The following MAST4 variants were observed in gnomAD, a reference collection of about 807,000 sequenced individuals.
MAST4 encodes the protein microtubule-associated serine/threonine-protein kinase 4.
Under a neutral mutation model 162.7 loss-of-function variants are expected in MAST4, and 89 were observed. The observed-to-expected ratio is 0.55, with a 90% CI of 0.46 to 0.65. The LOEUF (loss-of-function observed/expected upper bound fraction) is 0.65. MAST4 is among the 30% of genes least tolerant of loss of function. MAST4 has a pLI of 0.00. For synonymous variants in MAST4, 1,479 were observed against 1,361.1 expected (o/e 1.09, Z -1.91); for missense variants, 3,153 against 3,374.0 (o/e 0.93, Z 1.62).
intron 3 of MAST4, among the ~76,000 whole-genome samples, chr5:66,873,165 A>C (rs528404008): frequency 6.6e-5 from 10 of 152,184 alleles, no homozygotes; most frequent in Non-Finnish European, 1.5e-4. Flanking sequence ...ACATTACCAA[A>C]TAGGTTTAAA....
intron 2 of MAST4, among the ~76,000 whole-genome samples, chr5:66,777,864 A>T (rs1754675814): frequency 6.6e-6 from 1 of 152,166 alleles, no homozygotes; most frequent in Admixed American, 6.5e-5. Context: ...TGTTCCACAT[A>T]CCCACAAAAT....
chr5:67,139,676 T>C (rs1432756057), intron 19 of MAST4, among the ~76,000 whole-genome samples: 1 of 152,242 alleles, frequency 6.6e-6, no homozygotes, highest in African/African-American at 2.4e-5. Flanking sequence ...GGTATAATGT[T>C]TCTTTTACCT....
chr5:67,105,071 C>T (rs1284584181), intron 10 of MAST4, among the ~76,000 whole-genome samples: 1 of 152,108 alleles, frequency 6.6e-6, no homozygotes, highest in Non-Finnish European at 1.5e-5. Context: ...ACAAAATATC[C>T]AATTTCCAAA....
At chr5:66,668,444 T>G (rs1454899756) in intron 1 of MAST4, among the ~76,000 whole-genome samples, 1 of 152,230 alleles carries the variant, frequency 6.6e-6, no homozygotes, top group East Asian at 1.9e-4. Flanking sequence ...CTTTTCTGCC[T>G]CAGTTGGTAA....
intron 4 of MAST4, among the ~76,000 whole-genome samples, chr5:67,015,837 C>T (rs1753224893): frequency 1.3e-5 from 2 of 152,136 alleles, no homozygotes; most frequent in Non-Finnish European, 1.5e-5. Flanking sequence ...CCTTTTACTG[C>T]TTTGGGAGCT....
chr5:66,736,976 G>A (rs757731233), intron 1 of MAST4, among the ~76,000 whole-genome samples: 1 of 152,212 alleles, frequency 6.6e-6, no homozygotes, highest in African/African-American at 2.4e-5. Context: ...ATTCTGTAAA[G>A]TCACTATGAA....
intron 3 of MAST4, among the ~76,000 whole-genome samples, chr5:66,881,141 T>G (rs1761667819): frequency 1.3e-5 from 2 of 152,246 alleles, no homozygotes; most frequent in African/African-American, 4.8e-5. Context: ...ATTTTATAAT[T>G]CTATTTTGAA....
chr5:67,089,105 TAGGG>T (rs1469346521), intron 5 of MAST4, among the ~76,000 whole-genome samples: 1 of 152,234 alleles, frequency 6.6e-6, no homozygotes, highest in Non-Finnish European at 1.5e-5. Flanking sequence ...GGCTTGCCCT[TAGGG>T]ATTAAACATA....
At chr5:67,036,496 C>T (rs375909815) in intron 4 of MAST4, among the ~76,000 whole-genome samples, 5 of 151,966 alleles carry the variant, frequency 3.3e-5, no homozygotes, top group Admixed American at 6.6e-5. Context: ...CTCAGTGTCC[C>T]GAGGAGTTGG....
intron 4 of MAST4, among the ~76,000 whole-genome samples, chr5:67,021,849 T>C (rs1329370258): frequency 6.6e-6 from 1 of 152,102 alleles, no homozygotes; most frequent in Non-Finnish European, 1.5e-5. Context: ...TATTGAGGAG[T>C]CATTTTTCAG....
At chr5:66,866,832 C>T (rs1760560358) in intron 3 of MAST4, among the ~76,000 whole-genome samples, 1 of 152,246 alleles carries the variant, frequency 6.6e-6, no homozygotes, top group Non-Finnish European at 1.5e-5. Flanking sequence ...TCACTGCAGC[C>T]TTGAACTCCT....
chr5:66,652,217 T>A (rs1008559136), intron 1 of MAST4, among the ~76,000 whole-genome samples: 6 of 152,158 alleles, frequency 3.9e-5, no homozygotes, highest in Non-Finnish European at 5.9e-5. Flanking sequence ...GCACACAATA[T>A]AACTGGTTTT....
At chr5:66,655,425 G>C (rs1402712042) in intron 1 of MAST4, among the ~76,000 whole-genome samples, 1 of 152,188 alleles carries the variant, frequency 6.6e-6, no homozygotes, top group Non-Finnish European at 1.5e-5. Context: ...CAAAGAGCCA[G>C]TTTTAGAAAC....
intron 4 of MAST4, among the ~76,000 whole-genome samples, chr5:67,039,865 T>C (rs751848011): frequency 7.2e-5 from 11 of 152,062 alleles, no homozygotes; most frequent in Non-Finnish European, 1.5e-4. Flanking sequence ...CTTGAAAGAA[T>C]AAGTGCAACA....
intron 3 of MAST4, among the ~76,000 whole-genome samples, chr5:66,876,982 A>G (rs115931078): frequency 1.1e-4 from 17 of 152,382 alleles, no homozygotes; most frequent in African/African-American, 4.1e-4. Flanking sequence ...CAATCAATTA[A>G]AAGTACACAC....
chr5:67,030,410 T>C (rs1755163444), intron 4 of MAST4, among the ~76,000 whole-genome samples: 2 of 152,168 alleles, frequency 1.3e-5, no homozygotes, highest in African/African-American at 4.8e-5. Flanking sequence ...ATTAGATAGC[T>C]GTGGTAAAAT....
chr5:67,044,858 C>T (rs1757177417), intron 4 of MAST4, among the ~76,000 whole-genome samples: 1 of 152,140 alleles, frequency 6.6e-6, no homozygotes, highest in Non-Finnish European at 1.5e-5. Context: ...CTTGCTCCCT[C>T]TTTTAATTAG....
intron 3 of MAST4, among the ~76,000 whole-genome samples, chr5:66,876,759 C>G (rs750120228): frequency 2.6e-5 from 4 of 152,150 alleles, no homozygotes; most frequent in Non-Finnish European, 5.9e-5. Context: ...ACCCAGGTGC[C>G]TTTTGGAGCA....
At chr5:66,787,663 C>A (rs141876678) in intron 2 of MAST4, among the ~76,000 whole-genome samples, 1 of 152,202 alleles carries the variant, frequency 6.6e-6, no homozygotes, top group Non-Finnish European at 1.5e-5. Flanking sequence ...TGCTGCAATC[C>A]CTCATGATTC....
Sources: gnomAD v4.1 joint callset for allele counts (sites outside exome capture counted in the v4.1 genomes callset) on GRCh38, gnomAD v4.1.1 for gene constraint, MANE v1.5 for transcripts, NCBI Gene and HGNC (gene_info 2026-07-23, HGNC 2026-07-21) for gene names.